Variants in RASA1 observed in about 807,000 individuals in gnomAD.
RASA1 encodes RAS p21 protein activator 1.
RASA1 carries 25 observed loss-of-function variants against 132.2 expected under a neutral mutation model. That is an observed-to-expected ratio of 0.19 (90% CI 0.14 to 0.26). RASA1 has a LOEUF of 0.26. Ranked by LOEUF, RASA1 falls within the 10% of genes least tolerant of loss-of-function variation. The pLI is 1.00. For missense variants in RASA1, 964 were observed against 1,299.2 expected (o/e 0.74, Z 3.97); for synonymous variants, 477 against 449.9 (o/e 1.06, Z -0.76).
At chr5:87,371,267 G>C (rs1236475449) in intron 12 of RASA1, among the ~76,000 whole-genome samples, 1 of 151,962 alleles carries the variant, frequency 6.6e-6, no homozygotes, top group East Asian at 1.9e-4. Context: ...GGGGGTCTCT[G>C]GTTATTCTCT....
At chr5:87,301,651 T>G (rs1298610223) in intron 1 of RASA1, among the ~76,000 whole-genome samples, 1 of 152,136 alleles carries the variant, frequency 6.6e-6, no homozygotes, top group African/African-American at 2.4e-5. Context: ...TTCGTATTTT[T>G]GGGGGGCTTT....
At chr5:87,360,665 T>C (rs535421422) in intron 9 of RASA1, among the ~76,000 whole-genome samples, 1 of 152,304 alleles carries the variant, frequency 6.6e-6, no homozygotes, top group South Asian at 2.1e-4. Context: ...TACAAAAATT[T>C]AGTCTCATTT....
At chr5:87,322,470 C>T (rs778427189) in intron 1 of RASA1, among the ~76,000 whole-genome samples, 2 of 152,212 alleles carry the variant, frequency 1.3e-5, no homozygotes, top group Non-Finnish European at 2.9e-5. Context: ...GAAAAATTGT[C>T]TTCCACTAAA....
At chr5:87,315,300 C>G (rs1756241161) in intron 1 of RASA1, among the ~76,000 whole-genome samples, 1 of 152,158 alleles carries the variant, frequency 6.6e-6, no homozygotes, top group Non-Finnish European at 1.5e-5. Context: ...CAAGGGCCTT[C>G]TAGCTACATA....
intron 1 of RASA1, among the ~76,000 whole-genome samples, chr5:87,314,717 T>C (rs899696611): frequency 3.9e-5 from 6 of 151,938 alleles, no homozygotes; most frequent in African/African-American, 9.7e-5. Context: ...AGAAAGGCTG[T>C]GGGACGAATG....
At position 87,293,262 on chromosome 5, in the gene RASA1, T is replaced by A. The variant is rs563942370; in HGVS notation, c.539+24272T>A. Among the ~76,000 whole-genome samples, 91 of 152,136 alleles carry A rather than the reference T, an allele frequency of 6.0e-4. 1 individual carries two copies. In the South Asian group the frequency reaches 0.017, roughly 28 times the overall value. On this transcript the variant is annotated intron_variant, in intron 1 of 24. Transcript: ENST00000274376. ...GATTTTTTGGTAGATTTTTTTTTTTTATCAAGTTGAGGAAGTTCCCTTCTA... is the reference window on the plus strand; with the variant it reads ...GATTTTTTGGTAGATTTTTTTTTTTAATCAAGTTGAGGAAGTTCCCTTCTA...
At chr5:87,369,111 C>T (rs1760739817) in intron 11 of RASA1, among the ~76,000 whole-genome samples, 1 of 152,064 alleles carries the variant, frequency 6.6e-6, no homozygotes, top group South Asian at 2.1e-4. Flanking sequence ...ATCTTTAAAG[C>T]AGGAAACAGA....
chr5:87,333,184 A>G, intron 3 of RASA1, 83 bp from the exon 4 acceptor site: 1 of 1,542,274 alleles, frequency 6.5e-7, no homozygotes, highest in Non-Finnish European at 8.7e-7. Context: ...GTGAATTTTT[A>G]TTGGCTTTAT....
chr5:87,302,078 A>G (rs1331148102), intron 1 of RASA1, among the ~76,000 whole-genome samples: 2 of 152,162 alleles, frequency 1.3e-5, no homozygotes, highest in African/African-American at 2.4e-5. Context: ...TTGCTGGGTC[A>G]TAGGATGTTC....
intron 1 of RASA1, among the ~76,000 whole-genome samples, chr5:87,287,235 C>CAT (rs1357621305): frequency 7.0e-6 from 1 of 142,356 alleles, no homozygotes; most frequent in African/African-American, 2.6e-5. Flanking sequence ...ATATACACAC[C>CAT]ATATATATAC....
intron 13 of RASA1, among the ~76,000 whole-genome samples, chr5:87,372,887 C>T (rs1256882813): frequency 6.6e-6 from 1 of 152,130 alleles, no homozygotes; most frequent in Non-Finnish European, 1.5e-5. Context: ...GAGTGATTAA[C>T]ATACTGTTCT....
chr5:87,311,741 C>T (rs1037644569), intron 1 of RASA1, among the ~76,000 whole-genome samples: 2 of 152,190 alleles, frequency 1.3e-5, no homozygotes, highest in South Asian at 2.1e-4. Context: ...AAAGTGCCCA[C>T]GTCGCTGACT....
intron 1 of RASA1, among the ~76,000 whole-genome samples, chr5:87,272,132 G>T (rs995078897): frequency 6.8e-6 from 1 of 147,926 alleles, no homozygotes; most frequent in Non-Finnish European, 1.5e-5. Context: ...TGGGCAGCAA[G>T]AACGAAACCC....
intron 9 of RASA1, among the ~76,000 whole-genome samples, chr5:87,361,705 A>G (rs1399607341): frequency 2.6e-5 from 4 of 152,182 alleles, no homozygotes; most frequent in African/African-American, 9.7e-5. Context: ...ATTCCTAAAA[A>G]TCATAGCATT....
chr5:87,387,072 A>G (rs566658104), intron 23 of RASA1, among the ~76,000 whole-genome samples, 169 bp downstream of exon 23: 2 of 152,304 alleles, frequency 1.3e-5, no homozygotes, highest in South Asian at 4.1e-4. Flanking sequence ...TTTGTTTGTA[A>G]TTAAAACCAT....
intron 8 of RASA1, among the ~76,000 whole-genome samples, chr5:87,352,180 T>TTA (rs1273011248): frequency 3.3e-5 from 5 of 151,768 alleles, no homozygotes; most frequent in Non-Finnish European, 7.4e-5. Context: ...ATGCTGCTTC[T>TTA]GGTATTAAGT....
At chr5:87,338,534 A>ATATATATAT (rs1561292504) in intron 5 of RASA1, among the ~76,000 whole-genome samples, 22 of 46,108 alleles carry the variant, frequency 4.8e-4, no homozygotes, top group South Asian at 2.2e-3. Flanking sequence ...TATATATATA[A>ATATATATAT]AATTTTTTTT....
At chr5:87,349,434 C>CA in intron 8 of RASA1, 70 bp downstream of exon 8, 1 of 1,529,056 alleles carries the variant, frequency 6.5e-7, no homozygotes, top group Non-Finnish European at 9.0e-7. Flanking sequence ...ATACAGTATT[C>CA]AGAGTCAAAA....
At position 87,268,259 on chromosome 5, in the gene RASA1, C is replaced by T; in HGVS notation, c.-193C>T. The stretch of plus-strand genomic sequence containing the variant: ...TTTTGCCCACTTGGCTTCCCGTAAC[C>T]CAGGCAGCTGGGGAGCCTGGGCTGT... On this transcript the variant is annotated 5_prime_UTR_variant, in exon 1 of 25. Transcript: ENST00000274376. 2 of 828,064 alleles carry T rather than the reference C, an allele frequency of 2.4e-6. No homozygotes were observed. The highest frequency in any genetic ancestry group is 3.6e-6 in the Non-Finnish European group (2 of 554,938). The allele number at this position is 828,064 out of a possible 1,614,324, so 51.3% of individuals were successfully genotyped here.
Sources: allele counts gnomAD v4.1 joint callset (sites outside exome capture counted in the v4.1 genomes callset), GRCh38; gene constraint gnomAD v4.1.1; transcripts MANE v1.5; gene names NCBI Gene and HGNC (gene_info 2026-07-23, HGNC 2026-07-21).